Variants in SLC15A1 observed in about 807,000 individuals in gnomAD.
SLC15A1 encodes the protein solute carrier family 15 member 1, also known as Caco-2 oligopeptide transporter.
Under a neutral mutation model 92.9 loss-of-function variants are expected in SLC15A1, and 83 were observed. The ratio of observed to expected loss-of-function variants is 0.89; its 90% CI spans 0.75 to 1.07. SLC15A1 has a LOEUF of 1.07. Among genes scored for constraint, SLC15A1 ranks in the 50% least tolerant of loss-of-function variants. The pLI is 0.00. For missense variants in SLC15A1, 857 were observed against 880.1 expected (o/e 0.97, Z 0.33); for synonymous variants, 322 against 318.2 (o/e 1.01, Z -0.13).
intron 1 of SLC15A1, among the ~76,000 whole-genome samples, chr13:98,737,092 C>T (rs977033018): frequency 1.3e-5 from 2 of 152,196 alleles, no homozygotes; most frequent in African/African-American, 2.4e-5. Context: ...TGGAACCAAC[C>T]CAAATGTCCA....
intron 21 of SLC15A1, 108 bp downstream of exon 21, chr13:98,687,473 C>A (rs2087938081): frequency 2.2e-6 from 3 of 1,350,300 alleles, no homozygotes; most frequent in Non-Finnish European, 3.1e-6. Context: ...ATAATGCTTT[C>A]TAGACTTTTT....
At position 98,684,545 on chromosome 13, in the gene SLC15A1, C is replaced by CAAAAAAAAAAAAAAAAAAAAAAAGA; in HGVS notation, c.*154_*178dup. The CAAAAAAAAAAAAAAAAAAAAAAAGA allele has an allele frequency of 5.3e-6, 1 of 188,408 alleles. No homozygotes were observed. The highest frequency in any genetic ancestry group is 9.2e-6 in the Non-Finnish European group (1 of 109,252). The allele number at this position is 188,408 out of a possible 1,614,324, so 11.7% of individuals were successfully genotyped here. ...GGACAACAAGAGCAAAACTCTGTCT[C>CAAAAAAAAAAAAAAAAAAAAAAAGA]AAAAAAAAAAAAAAAAAAAAAAAGA... On this transcript the variant is annotated 3_prime_UTR_variant, in exon 23 of 23. Coordinates refer to ENST00000376503, the MANE Select transcript of SLC15A1 (RefSeq NM_005073.4).
chr13:98,744,755 A>G, intron 1 of SLC15A1, among the ~76,000 whole-genome samples: 1 of 134,926 alleles, frequency 7.4e-6, no homozygotes, highest in South Asian at 2.3e-4. Context: ...TCTCAAAAAA[A>G]AAAAAAAAAA....
At chr13:98,723,832 A>G (rs2088277883) in intron 5 of SLC15A1, 80 bp downstream of exon 5, 2 of 1,588,894 alleles carry the variant, frequency 1.3e-6, no homozygotes, top group East Asian at 2.2e-5. Context: ...AGTGAAGTTC[A>G]AGGAAAAAGA....
chr13:98,726,296 GA>G, intron 3 of SLC15A1, 32 bp from the exon 4 acceptor site: 1 of 1,613,516 alleles, frequency 6.2e-7, no homozygotes, highest in Non-Finnish European at 8.5e-7. Flanking sequence ...AGAGGAGGGG[GA>G]AACAAAGTTA....
chr13:98,738,272 G>A (rs1397046373), intron 1 of SLC15A1, among the ~76,000 whole-genome samples: 2 of 152,214 alleles, frequency 1.3e-5, no homozygotes, highest in Non-Finnish European at 2.9e-5. Context: ...TGCTTTTTCA[G>A]CAGAGGAATT....
intron 9 of SLC15A1, among the ~76,000 whole-genome samples, chr13:98,714,203 T>C (rs1193320097): frequency 1.3e-5 from 2 of 152,168 alleles, no homozygotes; most frequent in East Asian, 1.9e-4. Flanking sequence ...AAGGAAGGAC[T>C]TGGATGGGTA....
Position 98,684,901 on chromosome 13 carries a change from AATGTACT to A in SLC15A1, c.1943_1949del (p.Glu648ValfsTer12). 6.2e-7 allele frequency: 1 copy of A among 1,612,776 alleles called. No homozygotes were observed. The highest frequency in any genetic ancestry group is 8.5e-7 in the Non-Finnish European group (1 of 1,179,216). ...CGACCAGAAGCAACGCGGCAAATAGAATGTACTCGGCCCACTTTGAAGAAATCAGAGT... is the reference window on the plus strand; with the variant it reads ...CGACCAGAAGCAACGCGGCAAATAGACGGCCCACTTTGAAGAAATCAGAGT... On this transcript the variant is annotated frameshift_variant, in exon 23 of 23. Transcript: ENST00000376503. LOFTEE classifies it low-confidence loss of function (END_TRUNC).
intron 1 of SLC15A1, among the ~76,000 whole-genome samples, chr13:98,747,118 T>C (rs2088499571): frequency 6.6e-6 from 1 of 152,056 alleles, no homozygotes; most frequent in African/African-American, 2.4e-5. Flanking sequence ...GACTTCCAGC[T>C]TCTGAAACCA....
intron 1 of SLC15A1, among the ~76,000 whole-genome samples, chr13:98,744,016 A>T (rs561144362): frequency 2.2e-4 from 34 of 152,110 alleles, no homozygotes; most frequent in Non-Finnish European, 4.1e-4. Context: ...CTAAAGATAC[A>T]TAAATGTCGC....
chr13:98,701,018 T>C (rs2088062683), intron 18 of SLC15A1, among the ~76,000 whole-genome samples: 2 of 152,374 alleles, frequency 1.3e-5, no homozygotes, highest in Admixed American at 6.5e-5. Context: ...TCTAGTTCCT[T>C]TGCCTTTCCA....
intron 16 of SLC15A1, 91 bp from the exon 17 acceptor site, chr13:98,704,526 C>T: frequency 7.6e-7 from 1 of 1,318,884 alleles, no homozygotes; most frequent in Non-Finnish European, 1.0e-6. Context: ...TGATATTCTG[C>T]ATTTCCAGGT....
At chr13:98,744,478 C>T (rs749438450) in intron 1 of SLC15A1, among the ~76,000 whole-genome samples, 28 of 151,326 alleles carry the variant, frequency 1.9e-4, no homozygotes, top group Non-Finnish European at 5.9e-5. Context: ...AAGCCGGGTG[C>T]GGTGGCTCAC....
chr13:98,741,760 G>T (rs764847992), intron 1 of SLC15A1, among the ~76,000 whole-genome samples: 1 of 150,320 alleles, frequency 6.7e-6, no homozygotes, highest in Non-Finnish European at 1.5e-5. Flanking sequence ...CCTTTTCCAC[G>T]GCTACTTTCT....
At chr13:98,747,892 A>G (rs375346123) in intron 1 of SLC15A1, among the ~76,000 whole-genome samples, 1 of 152,210 alleles carries the variant, frequency 6.6e-6, no homozygotes, top group African/African-American at 2.4e-5. Flanking sequence ...AAAACAAATG[A>G]ACAAACAAAA....
At chr13:98,689,661 G>T (rs1326989296) in intron 18 of SLC15A1, among the ~76,000 whole-genome samples, 6 of 152,014 alleles carry the variant, frequency 3.9e-5, no homozygotes, top group Non-Finnish European at 8.8e-5. Context: ...TGTTGCCCAG[G>T]CTGGTCTCAA....
intron 15 of SLC15A1, among the ~76,000 whole-genome samples, chr13:98,707,891 T>TAAAAAAAAAA (rs745924829): frequency 4.7e-5 from 5 of 106,846 alleles, no homozygotes; most frequent in African/African-American, 2.0e-4. Flanking sequence ...AGACCCTGTT[T>TAAAAAAAAAA]AAAAAAAAAA....
chr13:98,743,535 C>T (rs1013440827), intron 1 of SLC15A1, among the ~76,000 whole-genome samples: 2 of 152,198 alleles, frequency 1.3e-5, no homozygotes, highest in African/African-American at 4.8e-5. Context: ...AACCTGCTCT[C>T]AGCTTCAGGG....
intron 1 of SLC15A1, among the ~76,000 whole-genome samples, chr13:98,747,034 C>G (rs535911643): frequency 7.2e-5 from 11 of 152,170 alleles, no homozygotes; most frequent in Admixed American, 5.9e-4. Flanking sequence ...TGTGGCCCCC[C>G]CCACCCCGGC....
Sources: gnomAD v4.1 joint callset for allele counts (sites outside exome capture counted in the v4.1 genomes callset) on GRCh38, gnomAD v4.1.1 for gene constraint, MANE v1.5 for transcripts, NCBI Gene and HGNC (gene_info 2026-07-23, HGNC 2026-07-21) for gene names.